The following KIAA1755 variants were observed in gnomAD, a reference collection of about 807,000 sequenced individuals.
KIAA1755 encodes KIAA1755.
A neutral mutation model predicts 91.7 loss-of-function variants in KIAA1755; 68 were observed. That is an observed-to-expected ratio of 0.74 (90% CI 0.61 to 0.91). The LOEUF is 0.91. Among genes scored for constraint, KIAA1755 ranks in the 40% least tolerant of loss-of-function variants. KIAA1755 has a pLI of 0.00. For synonymous variants in KIAA1755, 610 were observed against 604.6 expected, an observed-to-expected ratio of 1.01 and a Z score of -0.13; for missense variants, 1,535 against 1,494.4, an observed-to-expected ratio of 1.03 and a Z score of -0.45.
At position 38,241,801 on chromosome 20, in the gene KIAA1755, C is replaced by A. The variant is rs768693694; in HGVS notation, c.330G>T (p.Glu110Asp). The stretch of plus-strand genomic sequence containing the variant: ...TGCAGACAGACTGCTCCTCCTGGGG[C>A]TCCACTTGGAGGTAGAAGTCACCCT... ...LRQGDFYLQV[E>D]PQEEQSVCIM... Residue 110 changes from glutamate to aspartate, a missense_variant, in exon 3 of 14, where the codon GAG becomes GAT. Coordinates refer to ENST00000279024, the MANE Select transcript of KIAA1755 (RefSeq NM_001029864.2). 1 of 1,614,054 alleles carries A rather than the reference C, an allele frequency of 6.2e-7. No individual in the cohort carries two copies. Among genetic ancestry groups the A allele is most frequent in the African/African-American group, 1.3e-5 (1 of 74,906 alleles).
At chr20:38,255,044 G>A (rs1267588540) in intron 1 of KIAA1755, among the ~76,000 whole-genome samples, 4 of 152,108 alleles carry the variant, frequency 2.6e-5, no homozygotes, top group Non-Finnish European at 5.9e-5. Flanking sequence ...GGGTGTGGTG[G>A]CGGGTGCTGA....
chr20:38,237,317 A>G (rs1369192061), intron 4 of KIAA1755, among the ~76,000 whole-genome samples: 2 of 151,920 alleles, frequency 1.3e-5, no homozygotes, highest in Non-Finnish European at 2.9e-5. Flanking sequence ...CACTAGCACC[A>G]TTGGGACCCC....
At chr20:38,237,805 G>C (rs1053962805) in intron 4 of KIAA1755, among the ~76,000 whole-genome samples, 3 of 151,446 alleles carry the variant, frequency 2.0e-5, no homozygotes, top group Non-Finnish European at 4.4e-5. Context: ...ACCCGGCGGG[G>C]AGAAGTTGGT....
intron 9 of KIAA1755, 142 bp from the exon 10 acceptor site, chr20:38,222,739 A>G (rs768872873): frequency 2.5e-5 from 22 of 875,070 alleles, no homozygotes; most frequent in Non-Finnish European, 4.0e-5. Flanking sequence ...TGTCTCTAAA[A>G]CATCCCCTCT....
At position 38,227,200 on chromosome 20, in the gene KIAA1755, C is replaced by T. The variant is rs1411368353; in HGVS notation, c.2006G>A (p.Gly669Glu). Residue 669 changes from glycine (G) to glutamate (E), a missense_variant, in exon 7 of 14, where the codon GGG (glycine) becomes GAG (glutamate). By Grantham distance (98) the Gly-to-Glu change is moderately conservative. Transcript: ENST00000279024. Reference sequence around the variant, plus strand: ...CAGCTGGAGAGCCGCCTCCTTCTCCCCCAGGAAGAGAATAGCCCGGATAGA... The same window carrying T: ...CAGCTGGAGAGCCGCCTCCTTCTCCTCCAGGAAGAGAATAGCCCGGATAGA... Reference protein sequence around the residue: ...PASIRAILFLGEKEAALQLQT... With the variant: ...PASIRAILFLEEKEAALQLQT... 1.2e-6 allele frequency: 2 copies of T among 1,613,870 alleles called. No individual in the cohort carries two copies. The highest frequency in any genetic ancestry group is 2.2e-5 in the East Asian group (1 of 44,886).
Position 38,228,215 on chromosome 20 carries a change from C to G in KIAA1755, c.1897G>C (p.Ala633Pro). The change falls in exon 6 of 14, where the codon GCG (alanine) becomes CCG (proline). Residue 633 changes from alanine to proline, a missense_variant. Ala to Pro is a conservative substitution (Grantham distance 27). Coordinates refer to ENST00000279024, the MANE Select transcript of KIAA1755 (RefSeq NM_001029864.2). ...PRPEDKAKGL[A>P]VLIDARRQPP... The stretch of plus-strand genomic sequence containing the variant: ...TGTCTCCTGGCGTCAATCAGGACCG[C>G]CAGCCCCTTGGCTTTATCTTCAGGC... The G allele has an allele frequency of 6.2e-7, 1 of 1,602,622 alleles. No individual in the cohort carries two copies. The highest frequency in any genetic ancestry group is 8.5e-7 in the Non-Finnish European group (1 of 1,175,230).
chr20:38,241,995 CT>C, intron 2 of KIAA1755, 66 bp from the exon 3 acceptor site: 1 of 1,495,326 alleles, frequency 6.7e-7, no homozygotes, highest in Non-Finnish European at 9.1e-7. Context: ...GGATTTGCTC[CT>C]TTCCCTCTCC....
chr20:38,218,434 C>T, intron 11 of KIAA1755, 68 bp from the exon 12 acceptor site: 1 of 1,592,826 alleles, frequency 6.3e-7, no homozygotes, highest in African/African-American at 1.3e-5. Flanking sequence ...AGCTCCCCCA[C>T]TTCCTTGCAG....
In KIAA1755 at chr20:38,241,090, G is replaced by C; in HGVS notation, c.1041C>G (p.Pro347=). ...CTKPESSEER[P]YNLGFRRKVN... is the part of the protein sequence containing the mutation. Reference sequence around the variant, plus strand: ...CCTTTCTCCTGAAGCCCAAATTATAGGGCCTCTCCTCAGAGCTTTCTGGCT... The same window carrying C: ...CCTTTCTCCTGAAGCCCAAATTATACGGCCTCTCCTCAGAGCTTTCTGGCT... The change falls in exon 3 of 14, where the codon CCC becomes CCG. Residue 347 remains proline, a synonymous_variant. Coordinates refer to ENST00000279024, the MANE Select transcript of KIAA1755 (RefSeq NM_001029864.2). 6.2e-7 allele frequency: 1 copy of C among 1,614,102 alleles called. No individual in the cohort carries two copies. The highest frequency in any genetic ancestry group is 1.7e-4 in the Middle Eastern group (1 of 6,058).
At chr20:38,228,530 T>C (rs2075801493) in intron 5 of KIAA1755, among the ~76,000 whole-genome samples, 2 of 152,318 alleles carry the variant, frequency 1.3e-5, no homozygotes, top group Non-Finnish European at 2.9e-5. Flanking sequence ...GGCAAGTCAC[T>C]TGGGACTCAT....
rs766304827 is a variant in KIAA1755 at position 38,240,912 on chromosome 20, G to C, written c.1219C>G (p.Pro407Ala). The C allele has an allele frequency of 6.2e-7, 1 of 1,614,016 alleles. No individual in the cohort carries two copies. Among genetic ancestry groups the C allele is most frequent in the Admixed American group, 1.7e-5 (1 of 60,004 alleles). Reference sequence around the variant, plus strand: ...GGCCTGAGCTGCACCATATTCTCTGGGTTTCCTAGAGGTCCCTGCATCTTG... The same window carrying C: ...GGCCTGAGCTGCACCATATTCTCTGCGTTTCCTAGAGGTCCCTGCATCTTG... ...ASKMQGPLGN[P>A]ENMVQLRPGP... Residue 407 changes from proline (P) to alanine (A), a missense_variant, in exon 3 of 14, where the codon CCA becomes GCA. Pro to Ala is a conservative substitution (Grantham distance 27, BLOSUM62 -1). Coordinates refer to ENST00000279024, the MANE Select transcript of KIAA1755 (RefSeq NM_001029864.2).
At chr20:38,220,297 C>CTTTT (rs35575614) in intron 10 of KIAA1755, among the ~76,000 whole-genome samples, 13 of 134,396 alleles carry the variant, frequency 9.7e-5, no homozygotes, top group South Asian at 2.4e-4. Context: ...TGATGTTTCC[C>CTTTT]TTTTTTTTTT....
rs141410301 is a variant in KIAA1755, at chr20:38,238,177, T to C, written c.1747+1351A>G. On this transcript the variant is annotated intron_variant, in intron 4 of 13. Transcript: ENST00000279024. Reference sequence around the variant, plus strand: ...CTTCCTCCCATAGCAGAGCCTTCCATGGACAAAATCTGAGCCCTTGGCCCA... The same window carrying C: ...CTTCCTCCCATAGCAGAGCCTTCCACGGACAAAATCTGAGCCCTTGGCCCA... Among the ~76,000 whole-genome samples the C allele has an allele frequency of 3.9e-5, 6 of 152,278 alleles. No individual in the cohort carries two copies. In the East Asian group the frequency reaches 9.7e-4, roughly 25 times the overall value.
In KIAA1755 at chr20:38,246,006, C is replaced by T; in HGVS notation, c.124G>A (p.Gly42Arg). The change falls in exon 2 of 14, where the codon GGG (glycine) becomes AGG (arginine). Residue 42 changes from glycine (G) to arginine (R), a missense_variant. Gly to Arg is a moderately radical substitution (Grantham distance 125, BLOSUM62 -2). Coordinates refer to ENST00000279024, the MANE Select transcript of KIAA1755 (RefSeq NM_001029864.2). ...VFRLLDSGFQ[G>R]DGLSFLLDFL... ...TCCAGAAGGAAGCTCAGCCCATCCC[C>T]CTGGAAGCCAGAGTCCAGGAGACGG... is the stretch of plus-strand genomic sequence containing the variant. 3 of 1,614,196 alleles carry T rather than the reference C, an allele frequency of 1.9e-6. No individual in the cohort carries two copies. Among genetic ancestry groups the T allele is most frequent in the Non-Finnish European group, 2.5e-6 (3 of 1,180,034 alleles).
rs982741688 is a variant in KIAA1755, at chr20:38,223,395, C to T, written c.2268+143G>A. 6 of 584,138 alleles carry T rather than the reference C, an allele frequency of 1.0e-5. No homozygotes were observed. The South Asian group carries it at 1.3e-4, about 12-fold the overall frequency. The allele number at this position is 584,138 out of a possible 1,614,324, so 36.2% of individuals were successfully genotyped here. On this transcript the variant is annotated intron_variant, in intron 9 of 13. Coordinates refer to ENST00000279024, the MANE Select transcript of KIAA1755 (RefSeq NM_001029864.2). The stretch of plus-strand genomic sequence containing the variant: ...CCAGTGCAGGGTACAAAGTGGGTGC[C>T]CCTCAAATATGAGTCAAATGAATGA...
intron 1 of KIAA1755, among the ~76,000 whole-genome samples, chr20:38,250,988 G>A (rs1427511229): frequency 2.0e-5 from 3 of 151,936 alleles, no homozygotes; most frequent in African/African-American, 4.8e-5. Flanking sequence ...TAAATCGAAT[G>A]TAACTCCAAA....
At position 38,211,088 on chromosome 20, in the gene KIAA1755, G is replaced by C. The variant is rs2075446061; in HGVS notation, c.*1954C>G. 6.6e-6 allele frequency: 1 copy of C among 152,242 alleles called. No homozygotes were observed. Among genetic ancestry groups the C allele is most frequent in the Non-Finnish European group, 1.5e-5 (1 of 68,048 alleles). The allele number at this position is 152,242 out of a possible 1,614,324, so 9.4% of individuals were successfully genotyped here. On this transcript the variant is annotated 3_prime_UTR_variant, in exon 14 of 14. Transcript: ENST00000279024. ...CACCAAGAGTCTATTTTAATGTCTGGGGTAGGATTCCCTAGGAAGCCTTTT... is the reference window on the plus strand; with the variant it reads ...CACCAAGAGTCTATTTTAATGTCTGCGGTAGGATTCCCTAGGAAGCCTTTT...
At chr20:38,227,750 T>C (rs918526026) in intron 6 of KIAA1755, among the ~76,000 whole-genome samples, 1 of 152,260 alleles carries the variant, frequency 6.6e-6, no homozygotes, top group African/African-American at 2.4e-5. Flanking sequence ...AATAATCTCT[T>C]ACTCTTTCCT....
rs753013886 is a variant in KIAA1755 at position 38,213,381 on chromosome 20, C to T, written c.3264G>A (p.Gly1088=). The T allele has an allele frequency of 1.2e-6, 2 of 1,603,642 alleles. No homozygotes were observed. The highest frequency in any genetic ancestry group is 1.7e-6 in the Non-Finnish European group (2 of 1,174,656). Residue 1088 remains glycine (G), a synonymous_variant, in exon 14 of 14, where the codon GGG becomes GGA. Coordinates refer to ENST00000279024, the MANE Select transcript of KIAA1755 (RefSeq NM_001029864.2). The stretch of plus-strand genomic sequence containing the variant: ...AGTCTAGTGGAGGCTGATCCCACCT[C>T]CCCTTGGAAGTGACCTCTACACTCA... The part of the protein sequence containing the change: ...QGVSVEVTSK[G]RWDQPPLDSL...
Sources: gnomAD v4.1 joint callset for allele counts (sites outside exome capture counted in the v4.1 genomes callset) on GRCh38, gnomAD v4.1.1 for gene constraint, MANE v1.5 for transcripts, NCBI Gene and HGNC (gene_info 2026-07-23, HGNC 2026-07-21) for gene names.